Variants in COBL observed in about 807,000 individuals in gnomAD.
COBL encodes cordon-bleu WH2 repeat protein.
In COBL, 51 loss-of-function variants were observed where a neutral mutation model predicts 98.8. The ratio of observed to expected loss-of-function variants is 0.52; its 90% CI spans 0.41 to 0.65. The LOEUF (loss-of-function observed/expected upper bound fraction) is 0.65. COBL is among the 30% of genes least tolerant of loss of function. The pLI, the probability that COBL is intolerant of heterozygous loss-of-function variation, is 0.00. For missense variants in COBL, 1,617 were observed against 1,617.5 expected (o/e 1.00, Z 0.01); for synonymous variants, 634 against 651.7 (o/e 0.97, Z 0.41).
At chr7:51,275,909 C>T (rs740545) in intron 1 of COBL, among the ~76,000 whole-genome samples, 47,851 of 152,026 alleles carry the variant, frequency 0.31, 9,242 homozygotes, top group Non-Finnish European at 0.43. Flanking sequence ...CCTGCTCTGC[C>T]GGGGTTTTGT....
chr7:51,228,770 GAAGA>G (rs1219983518), intron 1 of COBL, among the ~76,000 whole-genome samples: 1 of 152,140 alleles, frequency 6.6e-6, no homozygotes, highest in Non-Finnish European at 1.5e-5. Flanking sequence ...CCCAGCAAGT[GAAGA>G]AAGAGCCTGT....
At chr7:51,302,040 G>A (rs1802017072) in intron 1 of COBL, among the ~76,000 whole-genome samples, 1 of 152,122 alleles carries the variant, frequency 6.6e-6, no homozygotes, top group Non-Finnish European at 1.5e-5. Flanking sequence ...CAGTGTCGTG[G>A]CCCTCCCCGA....
intron 6 of COBL, among the ~76,000 whole-genome samples, chr7:51,109,650 A>G (rs1391973582): frequency 1.3e-5 from 2 of 151,894 alleles, no homozygotes; most frequent in East Asian, 3.9e-4. Context: ...AGGCTCGATC[A>G]CTCATTTATT....
intron 1 of COBL, among the ~76,000 whole-genome samples, chr7:51,275,466 T>C (rs910803215): frequency 6.6e-6 from 1 of 152,212 alleles, no homozygotes; most frequent in Non-Finnish European, 1.5e-5. Flanking sequence ...TGACAGGGCC[T>C]GGCTGTTCTG....
intron 1 of COBL, among the ~76,000 whole-genome samples, chr7:51,250,042 C>CTGT (rs1796594832): frequency 6.6e-6 from 1 of 151,868 alleles, no homozygotes; most frequent in Non-Finnish European, 1.5e-5. Flanking sequence ...GTGGAGGTTA[C>CTGT]AGTAAGCCAA....
intron 8 of COBL, among the ~76,000 whole-genome samples, chr7:51,037,376 C>T (rs928020369): frequency 1.4e-4 from 21 of 152,234 alleles, no homozygotes; most frequent in African/African-American, 5.1e-4. Context: ...GGTGAAGTCA[C>T]TGGGCACACC....
intron 6 of COBL, among the ~76,000 whole-genome samples, chr7:51,090,176 C>T (rs1794674666): frequency 1.3e-5 from 2 of 152,132 alleles, no homozygotes; most frequent in South Asian, 4.1e-4. Context: ...GACTCCTTGT[C>T]ATGAAGAAGT....
chr7:51,060,139 G>T (rs1413846402), intron 7 of COBL, among the ~76,000 whole-genome samples: 4 of 152,142 alleles, frequency 2.6e-5, no homozygotes, highest in African/African-American at 9.7e-5. Flanking sequence ...ACACTCCACA[G>T]GTCTCTGAGC....
intron 2 of COBL, among the ~76,000 whole-genome samples, chr7:51,203,850 A>T (rs28797270): frequency 6.8e-4 from 104 of 152,326 alleles, no homozygotes; most frequent in African/African-American, 2.4e-3. Flanking sequence ...AAATAGAAAA[A>T]GAGGGCCTAT....
At chr7:51,176,881 T>A (rs1412568242) in intron 5 of COBL, among the ~76,000 whole-genome samples, 1 of 152,234 alleles carries the variant, frequency 6.6e-6, no homozygotes, top group Admixed American at 6.5e-5. Context: ...GACTTATAAG[T>A]AAATCAGTTC....
chr7:51,228,106 C>A (rs1794380043), intron 1 of COBL, among the ~76,000 whole-genome samples: 1 of 152,170 alleles, frequency 6.6e-6, no homozygotes, highest in African/African-American at 2.4e-5. Context: ...TGTACACCAT[C>A]CACCACATCC....
At chr7:51,059,934 C>T (rs896318121) in intron 7 of COBL, among the ~76,000 whole-genome samples, 3 of 152,204 alleles carry the variant, frequency 2.0e-5, no homozygotes, top group Admixed American at 6.5e-5. Context: ...ATGTGGTCCT[C>T]CATGCCTGTG....
chr7:51,037,784 G>A (rs1307534500), intron 8 of COBL, among the ~76,000 whole-genome samples: 3 of 152,206 alleles, frequency 2.0e-5, no homozygotes, highest in African/African-American at 7.2e-5. Flanking sequence ...AATTATAATC[G>A]GATACCATCA....
intron 6 of COBL, among the ~76,000 whole-genome samples, chr7:51,104,638 C>T (rs556740800): frequency 6.6e-6 from 1 of 152,122 alleles, no homozygotes; most frequent in East Asian, 1.9e-4. Context: ...CTCACCATCA[C>T]CCTAATCACT....
chr7:51,312,823 C>G (rs1803187253), intron 1 of COBL, among the ~76,000 whole-genome samples: 1 of 152,124 alleles, frequency 6.6e-6, no homozygotes, highest in Non-Finnish European at 1.5e-5. Flanking sequence ...AGGAGAGATG[C>G]AACACTTAAC....
chr7:51,233,433 A>G (rs1794949696), intron 1 of COBL, among the ~76,000 whole-genome samples: 1 of 152,182 alleles, frequency 6.6e-6, no homozygotes, highest in Non-Finnish European at 1.5e-5. Flanking sequence ...GGGGGAAAAA[A>G]AAGGAGCAGA....
At chr7:51,104,354 C>T (rs933083906) in intron 6 of COBL, among the ~76,000 whole-genome samples, 8 of 152,132 alleles carry the variant, frequency 5.3e-5, no homozygotes, top group African/African-American at 1.9e-4. Flanking sequence ...CCAGAACAGC[C>T]TAGAAAAGCA....
rs760979993 is a variant in COBL, at chr7:51,027,729, T to C, written c.3367A>G (p.Lys1123Glu). ...LMEAIHSAGG[K>E]DRLRKTAEHT... ...ATCCTCACCTTGCGTAGTCTGTCCT[T>C]CCCTCCCGCAGAGTGGATGGCTTCC... The change falls in exon 10 of 13, where the codon AAG (lysine) becomes GAG (glutamate). Residue 1123 changes from lysine (K) to glutamate (E), a missense_variant. By Grantham distance (56) the Lys-to-Glu change is moderately conservative. This residue lies in a region of COBL where 1,304 missense variants were observed against 1,282.0 expected (regional missense o/e 1.02). Coordinates refer to ENST00000265136, the MANE Select transcript of COBL (RefSeq NM_015198.5). The C allele has an allele frequency of 3.1e-6, 5 of 1,613,488 alleles. No individual in the cohort carries two copies. The South Asian group carries it at 4.4e-5, about 14-fold the overall frequency.
intron 1 of COBL, among the ~76,000 whole-genome samples, chr7:51,291,986 AC>A (rs1430121049): frequency 1.3e-5 from 2 of 151,982 alleles, no homozygotes; most frequent in African/African-American, 4.8e-5. Flanking sequence ...ACATGGTGAA[AC>A]CCTGTCTCTA....
Sources: gnomAD v4.1 joint callset for allele counts (sites outside exome capture counted in the v4.1 genomes callset) on GRCh38, gnomAD v4.1.1 for gene constraint, gnomAD v4.1.1 regional missense constraint, MANE v1.5 for transcripts, NCBI Gene and HGNC (gene_info 2026-07-23, HGNC 2026-07-21) for gene names.